CADM2: variants seen among roughly 807,000 people sequenced by gnomAD.
CADM2 encodes the protein immunoglobulin superfamily member 4D.
Under a neutral mutation model 49.8 loss-of-function variants are expected in CADM2, and 12 were observed. The observed-to-expected ratio is 0.24, with a 90% CI of 0.15 to 0.39. The LOEUF is 0.39. Among genes scored for constraint, CADM2 ranks in the 10% least tolerant of loss-of-function variants. The pLI is 1.00. For missense variants in CADM2, 378 were observed against 492.3 expected (o/e 0.77, Z 2.20); for synonymous variants, 214 against 175.4 (o/e 1.22, Z -1.74).
chr3:85,827,594 T>C (rs1349734974), intron 3 of CADM2, among the ~76,000 whole-genome samples: 1 of 151,960 alleles, frequency 6.6e-6, no homozygotes, highest in Non-Finnish European at 1.5e-5. Context: ...ATTTTAGAAA[T>C]TCCATTTCTT....
At chr3:85,176,167 G>C (rs1236263352) in intron 1 of CADM2, among the ~76,000 whole-genome samples, 2 of 151,968 alleles carry the variant, frequency 1.3e-5, no homozygotes, top group Non-Finnish European at 2.9e-5. Context: ...TATTTAATGG[G>C]TTTTGAAAGG....
intron 2 of CADM2, among the ~76,000 whole-genome samples, chr3:85,768,190 T>G (rs1046156747): frequency 6.6e-6 from 1 of 152,092 alleles, no homozygotes; most frequent in East Asian, 1.9e-4. Context: ...CTCACGCCTG[T>G]AATCCCAGCA....
chr3:85,635,190 C>G (rs1473015990), intron 1 of CADM2, among the ~76,000 whole-genome samples: 1 of 152,086 alleles, frequency 6.6e-6, no homozygotes, highest in African/African-American at 2.4e-5. Context: ...AAAATACAAT[C>G]TCATGAAAAT....
chr3:85,912,947 A>G (rs1717816659), intron 6 of CADM2, among the ~76,000 whole-genome samples: 1 of 152,168 alleles, frequency 6.6e-6, no homozygotes, highest in South Asian at 2.1e-4. Context: ...TGCTTTTAAG[A>G]TTAGACTAGT....
chr3:84,959,567 T>G lies in CADM2; in HGVS notation c.-41T>G. On this transcript the variant is annotated 5_prime_UTR_variant, in exon 1 of 10. Coordinates refer to ENST00000383699, the MANE Select transcript of CADM2 (RefSeq NM_001167675.2). ...TCGTGCCCCGCTCACCAGCATCTACTTGCCCCCTCGTTCCTTCCCCAGCCC... is the reference window on the plus strand; with the variant it reads ...TCGTGCCCCGCTCACCAGCATCTACGTGCCCCCTCGTTCCTTCCCCAGCCC... 3 of 1,525,974 alleles carry G rather than the reference T, an allele frequency of 2.0e-6. No individual in the cohort carries two copies. The highest frequency in any genetic ancestry group is 2.6e-6 in the Non-Finnish European group (3 of 1,136,872). 94.5% of individuals were successfully genotyped at this position (1,525,974 alleles called of 1,614,324 possible).
intron 3 of CADM2, among the ~76,000 whole-genome samples, chr3:85,827,571 T>G (rs2108215179): frequency 1.3e-5 from 2 of 152,136 alleles, no homozygotes; most frequent in East Asian, 1.9e-4. Context: ...AATCATTTTC[T>G]ATCTCTTTTA....
At chr3:85,768,630 G>A (rs1173855074) in intron 2 of CADM2, among the ~76,000 whole-genome samples, 1 of 147,596 alleles carries the variant, frequency 6.8e-6, no homozygotes, top group Non-Finnish European at 1.5e-5. Context: ...TTCCCAGTTT[G>A]AAAATTATTT....
chr3:85,284,387 A>C (rs879295267), intron 1 of CADM2, among the ~76,000 whole-genome samples: 1 of 152,094 alleles, frequency 6.6e-6, no homozygotes, highest in Non-Finnish European at 1.5e-5. Flanking sequence ...TATAATAAAC[A>C]CACCCATATA....
chr3:84,986,752 A>G (rs2032581866), intron 1 of CADM2, among the ~76,000 whole-genome samples: 1 of 142,304 alleles, frequency 7.0e-6, no homozygotes, highest in Non-Finnish European at 1.6e-5. Context: ...TTAAAGTATA[A>G]TAATAATAAA....
chr3:85,844,995 GA>G lies in CADM2; in HGVS notation c.239-38286del, dbSNP rs947767592. Reference sequence around the variant, plus strand: ...GTGAGATGCCTATCTTTACAAAAATGAAAAAAAAAATTAGCCAGGCACGTTG... The same window carrying G: ...GTGAGATGCCTATCTTTACAAAAATGAAAAAAAAATTAGCCAGGCACGTTG... On this transcript the variant is annotated intron_variant, in intron 3 of 9. Coordinates refer to ENST00000383699, the MANE Select transcript of CADM2 (RefSeq NM_001167675.2). Among the ~76,000 whole-genome samples the G allele has an allele frequency of 6.1e-5, 9 of 146,896 alleles. No individual in the cohort carries two copies. The East Asian group carries it at 7.9e-4, about 13-fold the overall frequency.
intron 1 of CADM2, among the ~76,000 whole-genome samples, chr3:85,128,674 G>A (rs532793408): frequency 6.6e-6 from 1 of 152,240 alleles, no homozygotes; most frequent in East Asian, 1.9e-4. Context: ...CAACTTTCTT[G>A]TGAATCAGAT....
chr3:85,436,199 T>A (rs925707503), intron 1 of CADM2, among the ~76,000 whole-genome samples: 2 of 152,120 alleles, frequency 1.3e-5, no homozygotes, highest in African/African-American at 4.8e-5. Flanking sequence ...GAATGGGAGT[T>A]CACTCATGAT....
intron 3 of CADM2, among the ~76,000 whole-genome samples, chr3:85,839,433 AT>A (rs2074545080): frequency 6.6e-6 from 1 of 151,854 alleles, no homozygotes; most frequent in African/African-American, 2.4e-5. Context: ...TAAAAGGCTA[AT>A]CACACATAAT....
At chr3:85,979,959 T>C (rs2108665221) in intron 8 of CADM2, among the ~76,000 whole-genome samples, 1 of 151,608 alleles carries the variant, frequency 6.6e-6, no homozygotes, top group South Asian at 2.1e-4. Context: ...GGTGGGAATA[T>C]CCATAAAGGC....
At chr3:85,816,083 G>T (rs1240455019) in intron 3 of CADM2, among the ~76,000 whole-genome samples, 4 of 151,946 alleles carry the variant, frequency 2.6e-5, no homozygotes, top group Non-Finnish European at 5.9e-5. Flanking sequence ...TTTTTGATAA[G>T]ATGTATTATT....
chr3:85,517,366 C>T (rs537445723), intron 1 of CADM2, among the ~76,000 whole-genome samples: 1 of 152,086 alleles, frequency 6.6e-6, no homozygotes, highest in East Asian at 1.9e-4. Context: ...TATTAAAGTA[C>T]TAAGAAATTA....
chr3:85,593,764 A>G (rs999454318), intron 1 of CADM2, among the ~76,000 whole-genome samples: 1 of 152,024 alleles, frequency 6.6e-6, no homozygotes, highest in African/African-American at 2.4e-5. Flanking sequence ...ATAGGGTACT[A>G]AGCAGTAGGA....
At chr3:85,931,637 T>C in intron 6 of CADM2, among the ~76,000 whole-genome samples, 1 of 152,148 alleles carries the variant, frequency 6.6e-6, no homozygotes, top group East Asian at 1.9e-4. Context: ...TGATTGCCCT[T>C]AGCAAAAGCA....
intron 1 of CADM2, among the ~76,000 whole-genome samples, chr3:85,518,033 GTC>G (rs946931908): frequency 2.6e-5 from 4 of 152,154 alleles, no homozygotes; most frequent in Non-Finnish European, 4.4e-5. Context: ...GTGTGACAGA[GTC>G]TCTCTCTGTT....
Sources: allele counts gnomAD v4.1 joint callset (sites outside exome capture counted in the v4.1 genomes callset), GRCh38; gene constraint gnomAD v4.1.1; transcripts MANE v1.5; gene names NCBI Gene and HGNC (gene_info 2026-07-23, HGNC 2026-07-21).